Variants in GOLIM4 observed in about 807,000 individuals in gnomAD.
GOLIM4 encodes 130 kDa golgi-localized phosphoprotein.
In GOLIM4, 71 loss-of-function variants were observed where a neutral mutation model predicts 107.4. The observed-to-expected ratio is 0.66, with a 90% CI of 0.55 to 0.81. GOLIM4 has a LOEUF of 0.81. Ranked by LOEUF, GOLIM4 falls within the 30% of genes least tolerant of loss-of-function variation. The pLI is 0.00. For synonymous variants in GOLIM4, 327 were observed against 294.8 expected (o/e 1.11, Z -1.12); for missense variants, 830 against 826.1 (o/e 1.00, Z -0.06).
chr3:168,061,622 T>A (rs1237074815), intron 1 of GOLIM4, among the ~76,000 whole-genome samples: 1 of 152,156 alleles, frequency 6.6e-6, no homozygotes, highest in Non-Finnish European at 1.5e-5. Flanking sequence ...CATTCAGCAA[T>A]GTGAACAAAC....
intron 5 of GOLIM4, among the ~76,000 whole-genome samples, chr3:168,041,678 G>A (rs1190158884): frequency 6.6e-6 from 1 of 152,088 alleles, no homozygotes; most frequent in African/African-American, 2.4e-5. Flanking sequence ...CTCTGGTTCA[G>A]TACTTTAAAT....
At chr3:168,056,477 G>A (rs766676152) in intron 1 of GOLIM4, among the ~76,000 whole-genome samples, 5 of 152,182 alleles carry the variant, frequency 3.3e-5, no homozygotes, top group Middle Eastern at 6.3e-3. Flanking sequence ...CAGAATGGCA[G>A]ATCCACTAAC....
intron 3 of GOLIM4, among the ~76,000 whole-genome samples, chr3:168,046,107 A>C (rs984419557): frequency 1.3e-5 from 2 of 152,172 alleles, no homozygotes; most frequent in African/African-American, 4.8e-5. Flanking sequence ...TCCTGGCCTC[A>C]GGCAATCCTC....
intron 5 of GOLIM4, among the ~76,000 whole-genome samples, chr3:168,042,636 T>C (rs1242558969): frequency 6.6e-6 from 1 of 152,216 alleles, no homozygotes; most frequent in Non-Finnish European, 1.5e-5. Flanking sequence ...AAATATTTGA[T>C]TGCAGAATGC....
intron 7 of GOLIM4, among the ~76,000 whole-genome samples, chr3:168,038,709 G>A (rs1236934246): frequency 6.6e-6 from 1 of 152,228 alleles, no homozygotes; most frequent in African/African-American, 2.4e-5. Flanking sequence ...CATGAGAAAT[G>A]CAGGTGCCTG....
At chr3:168,074,806 C>T (rs1367538409) in intron 1 of GOLIM4, among the ~76,000 whole-genome samples, 2 of 152,084 alleles carry the variant, frequency 1.3e-5, no homozygotes, top group Non-Finnish European at 2.9e-5. Flanking sequence ...ATTTGGAAAA[C>T]AGTAAACACA....
At chr3:168,075,079 T>A (rs1721003818) in intron 1 of GOLIM4, among the ~76,000 whole-genome samples, 1 of 152,116 alleles carries the variant, frequency 6.6e-6, no homozygotes, top group South Asian at 2.1e-4. Context: ...TTGTTCTGAT[T>A]GATGCCAACC....
At position 168,036,879 on chromosome 3, in the gene GOLIM4, C is replaced by T. The variant is rs1175332138; in HGVS notation, c.800G>A (p.Gly267Asp). The change falls in exon 8 of 16, where the codon GGT (glycine) becomes GAT (aspartate). Residue 267 changes from glycine to aspartate, a missense_variant. Gly to Asp is a moderately conservative substitution (Grantham distance 94). Coordinates refer to ENST00000470487, the MANE Select transcript of GOLIM4 (RefSeq NM_014498.5). ...NVTQVAHSPQ[G>D]YNTAREKPTR... ...TGGCTTCTCCCTTGCTGTGTTGTAA[C>T]CTTGTGGAGAATGTGCCACCTGGGT... is the stretch of plus-strand genomic sequence containing the variant. 6.2e-7 allele frequency: 1 copy of T among 1,614,030 alleles called. No homozygotes were observed. The highest frequency in any genetic ancestry group is 2.2e-5 in the East Asian group (1 of 44,888).
chr3:168,044,675 T>C (rs186981670), intron 4 of GOLIM4, among the ~76,000 whole-genome samples, 153 bp downstream of exon 4: 2 of 152,330 alleles, frequency 1.3e-5, no homozygotes. Context: ...TACAACTATA[T>C]ATAATTTTTA....
intron 11 of GOLIM4, among the ~76,000 whole-genome samples, chr3:168,028,221 A>C (rs543436392): frequency 1.3e-5 from 2 of 152,308 alleles, no homozygotes; most frequent in Admixed American, 6.5e-5. Flanking sequence ...CCAAAAGAAG[A>C]AATTGATAGT....
intron 7 of GOLIM4, among the ~76,000 whole-genome samples, chr3:168,039,537 T>C (rs886959798): frequency 3.3e-5 from 5 of 152,152 alleles, no homozygotes; most frequent in African/African-American, 1.2e-4. Context: ...GTGCTGGGAT[T>C]ACAGGCATGA....
intron 1 of GOLIM4, among the ~76,000 whole-genome samples, chr3:168,054,581 G>C (rs1311777433): frequency 6.6e-6 from 1 of 151,896 alleles, no homozygotes; most frequent in Admixed American, 6.6e-5. Flanking sequence ...CTTTAGTGCT[G>C]ATCATCATGC....
intron 14 of GOLIM4, among the ~76,000 whole-genome samples, chr3:168,020,173 T>C (rs1165929698): frequency 6.6e-6 from 1 of 152,208 alleles, no homozygotes; most frequent in African/African-American, 2.4e-5. Context: ...CCCAAATTTC[T>C]TGTATGTAAA....
chr3:168,057,053 G>A (rs1035478839), intron 1 of GOLIM4, among the ~76,000 whole-genome samples: 34 of 152,100 alleles, frequency 2.2e-4, no homozygotes, highest in Admixed American at 7.9e-4. Context: ...GGGGGGACCC[G>A]GTGGGAGGTA....
At chr3:168,046,444 T>C (rs1719309314) in intron 3 of GOLIM4, among the ~76,000 whole-genome samples, 1 of 152,170 alleles carries the variant, frequency 6.6e-6, no homozygotes, top group Non-Finnish European at 1.5e-5. Context: ...CAGAGGACCC[T>C]GCGGCCTTCC....
At chr3:168,090,132 T>G (rs1721832983) in intron 1 of GOLIM4, among the ~76,000 whole-genome samples, 1 of 152,148 alleles carries the variant, frequency 6.6e-6, no homozygotes, top group African/African-American at 2.4e-5. Flanking sequence ...AATGACAAGA[T>G]GTATTCATGC....
At position 168,035,782 on chromosome 3, in the gene GOLIM4, A is replaced by G. The variant is rs9828330; in HGVS notation, c.843+1054T>C. 6.2e-3 allele frequency among the ~76,000 whole-genome samples: 945 copies of G among 152,318 alleles called. 10 individuals are homozygous for G. The highest frequency in any genetic ancestry group is 0.021 in the African/African-American group (882 of 41,576). On this transcript the variant is annotated intron_variant, in intron 8 of 15. Coordinates refer to ENST00000470487, the MANE Select transcript of GOLIM4 (RefSeq NM_014498.5). ...AACTTGCTCATGTACCCCTGAACTT[A>G]AAAGTTTAAAACAACCACTTTGTCA...
intron 8 of GOLIM4, among the ~76,000 whole-genome samples, chr3:168,033,903 C>T (rs1329388533): frequency 6.6e-6 from 1 of 152,118 alleles, no homozygotes; most frequent in East Asian, 1.9e-4. Flanking sequence ...ATCTGCACTA[C>T]CTAGAAAGTG....
chr3:168,062,307 T>C (rs758544489), intron 1 of GOLIM4, among the ~76,000 whole-genome samples: 2 of 151,980 alleles, frequency 1.3e-5, no homozygotes, highest in Admixed American at 6.6e-5. Context: ...AAGCCTCAGA[T>C]AGGATTTGGT....
Sources: allele counts gnomAD v4.1 joint callset (sites outside exome capture counted in the v4.1 genomes callset), GRCh38; gene constraint gnomAD v4.1.1; transcripts MANE v1.5; gene names NCBI Gene and HGNC (gene_info 2026-07-23, HGNC 2026-07-21).